The following FNBP1 variants were observed in gnomAD, a reference collection of about 807,000 sequenced individuals.
The protein encoded by FNBP1 is formin-binding protein 1.
A neutral mutation model predicts 90.6 loss-of-function variants in FNBP1; 26 were observed. That is an observed-to-expected ratio of 0.29 (90% CI 0.21 to 0.40). The LOEUF is 0.40. Among genes scored for constraint, FNBP1 ranks in the 10% least tolerant of loss-of-function variants. The probability of loss-of-function intolerance (pLI) is 1.00; values close to 1 mark genes in which losing one functional copy is unlikely to be tolerated. For missense variants in FNBP1, 635 were observed against 768.0 expected, an observed-to-expected ratio of 0.83 and a Z score of 2.05; for synonymous variants, 260 against 265.2, an observed-to-expected ratio of 0.98 and a Z score of 0.19.
upstream of FNBP1, among the ~76,000 whole-genome samples, chr9:130,046,600 A>C (rs1254086211): frequency 2.7e-5 from 4 of 149,488 alleles, no homozygotes; most frequent in East Asian, 1.9e-4. Context: ...AAAAAAAAAA[A>C]AAAACACCAA....
At chr9:130,032,145 T>C (rs1442213391) in intron 1 of FNBP1, among the ~76,000 whole-genome samples, 1 of 151,790 alleles carries the variant, frequency 6.6e-6, no homozygotes, top group African/African-American at 2.4e-5. Flanking sequence ...ATAGCCTATT[T>C]TTAAGGATAA....
chr9:130,052,596 G>A, the FNBP1 span, among the ~76,000 whole-genome samples: 1 of 151,734 alleles, frequency 6.6e-6, no homozygotes, highest in South Asian at 2.1e-4. Context: ...GTGATGCCCC[G>A]CTAATTTTTG....
At chr9:129,921,571 C>T (rs1397763102) in intron 10 of FNBP1, among the ~76,000 whole-genome samples, 1 of 151,938 alleles carries the variant, frequency 6.6e-6, no homozygotes, top group Non-Finnish European at 1.5e-5. Flanking sequence ...ATTAACCATG[C>T]CCGGCTAATT....
intron 4 of FNBP1, among the ~76,000 whole-genome samples, chr9:129,960,151 G>A (rs1486085771): frequency 6.6e-6 from 1 of 151,884 alleles, no homozygotes; most frequent in African/African-American, 2.4e-5. Context: ...GGCAGAGGTG[G>A]GCGGATCACG....
Position 129,895,885 on chromosome 9 carries a change from T to G in FNBP1, c.1799A>C (p.Tyr600Ser). The G allele has an allele frequency of 6.2e-7, 1 of 1,613,732 alleles. No homozygotes were observed. The highest frequency in any genetic ancestry group is 8.5e-7 in the Non-Finnish European group (1 of 1,179,768). The part of the protein sequence containing the change: ...RIRRNEDEEG[Y>S]VPTSYVEVCL... ...GACTTCGACATATGAAGTGGGGACA[T>G]AACCCTCTTCATCTTCATTTCTCCG... The change falls in exon 16 of 17, where the codon TAT (tyrosine) becomes TCT (serine). Residue 600 changes from tyrosine to serine, a missense_variant. By Grantham distance (144) the Tyr-to-Ser change is moderately radical. Coordinates refer to ENST00000446176, the MANE Select transcript of FNBP1 (RefSeq NM_015033.3).
intron 1 of FNBP1, among the ~76,000 whole-genome samples, chr9:129,998,773 C>T (rs960849211): frequency 1.2e-4 from 18 of 152,182 alleles, no homozygotes; most frequent in African/African-American, 4.3e-4. Context: ...AGCCCATCTA[C>T]ATTTGAACTG....
At chr9:129,985,437 T>C (rs1328881943) in intron 2 of FNBP1, among the ~76,000 whole-genome samples, 1 of 152,238 alleles carries the variant, frequency 6.6e-6, no homozygotes. Flanking sequence ...TCAATTCATA[T>C]GGCTGTTAAG....
At chr9:129,893,485 C>T (rs1020129955) in intron 16 of FNBP1, among the ~76,000 whole-genome samples, 4 of 149,184 alleles carry the variant, frequency 2.7e-5, no homozygotes, top group Admixed American at 1.3e-4. Context: ...TGGTGGCAGG[C>T]ACCTGTAATC....
chr9:129,896,111 C>T, intron 15 of FNBP1, 115 bp from the exon 16 acceptor site: 1 of 1,098,244 alleles, frequency 9.1e-7, no homozygotes. Flanking sequence ...ACAAAATTCA[C>T]CCCACTCGGA....
intron 4 of FNBP1, among the ~76,000 whole-genome samples, chr9:129,972,656 C>T (rs887678576): frequency 6.6e-6 from 1 of 151,800 alleles, no homozygotes; most frequent in Non-Finnish European, 1.5e-5. Context: ...CTCAGCTTCC[C>T]GAGTAGCTAG....
chr9:129,954,061 A>T (rs1158528504), intron 6 of FNBP1, among the ~76,000 whole-genome samples: 2 of 151,882 alleles, frequency 1.3e-5, no homozygotes, highest in African/African-American at 4.8e-5. Context: ...ATAATTTCTT[A>T]AAAAACGTAT....
At chr9:129,958,015 G>C (rs984282557) in intron 5 of FNBP1, among the ~76,000 whole-genome samples, 1 of 152,062 alleles carries the variant, frequency 6.6e-6, no homozygotes, top group Non-Finnish European at 1.5e-5. Context: ...TTTAGATAAT[G>C]GTTCTAGAAA....
chr9:129,989,249 A>G (rs1031933519), intron 2 of FNBP1, among the ~76,000 whole-genome samples: 2 of 152,212 alleles, frequency 1.3e-5, no homozygotes, highest in African/African-American at 4.8e-5. Context: ...GCTAATTTGC[A>G]TGCAGTTCTG....
intron 2 of FNBP1, among the ~76,000 whole-genome samples, chr9:129,986,619 G>A (rs888459721): frequency 2.0e-5 from 3 of 151,264 alleles, no homozygotes; most frequent in South Asian, 4.2e-4. Context: ...GTGAAACCCC[G>A]TCTCTATTAA....
chr9:129,912,690 C>CA (rs35355384), intron 11 of FNBP1, among the ~76,000 whole-genome samples: 72,553 of 108,102 alleles, frequency 0.67, 24,125 homozygotes, highest in East Asian at 0.74. Flanking sequence ...AACTCCATCT[C>CA]AAAAAAAAAA....
chr9:129,900,064 T>C lies in FNBP1; in HGVS notation c.1588A>G (p.Ser530Gly). ...GSYTEEQSQE[S>G]EMKVLATDFD... ...TCCGTGGCCAGCACCTTCATCTCAC[T>C]CTCCTGACTCTGCTCCTCTGTGTAA... is the stretch of plus-strand genomic sequence containing the variant. The change falls in exon 15 of 17, where the codon AGT becomes GGT. Residue 530 changes from serine (S) to glycine (G), a missense_variant. Physicochemically the swap from Ser to Gly is moderately conservative, Grantham distance 56 (BLOSUM62 0). Coordinates refer to ENST00000446176, the MANE Select transcript of FNBP1 (RefSeq NM_015033.3). This position sits in a 1 kb window ranked among gnomAD's most constrained non-coding sequence, Gnocchi z 4.1. 6.2e-7 allele frequency: 1 copy of C among 1,613,274 alleles called. No homozygotes were observed.
At chr9:129,912,258 C>A (rs1397266896) in intron 11 of FNBP1, among the ~76,000 whole-genome samples, 1 of 152,128 alleles carries the variant, frequency 6.6e-6, no homozygotes, top group Non-Finnish European at 1.5e-5. Context: ...CAGAAATCTT[C>A]TCTGTTGATT....
At chr9:129,940,843 T>C (rs28559698) in intron 6 of FNBP1, among the ~76,000 whole-genome samples, 1 of 151,792 alleles carries the variant, frequency 6.6e-6, no homozygotes, top group Non-Finnish European at 1.5e-5. Context: ...GCCAGGATGG[T>C]CTCAATCTCT....
intron 6 of FNBP1, among the ~76,000 whole-genome samples, chr9:129,951,418 C>CTATTTATTTATT (rs532417506): frequency 1.5e-3 from 221 of 143,634 alleles, no homozygotes; most frequent in East Asian, 4.2e-3. Context: ...TATATAATTT[C>CTATTTATTTATT]TATTTATTTA....
Sources: gnomAD v4.1 joint callset for allele counts (sites outside exome capture counted in the v4.1 genomes callset) on GRCh38, gnomAD v4.1.1 for gene constraint, Gnocchi (gnomAD v3.1) non-coding constraint, MANE v1.5 for transcripts, NCBI Gene and HGNC (gene_info 2026-07-23, HGNC 2026-07-21) for gene names.